NMNAT3: variants seen among roughly 807,000 people sequenced by gnomAD.
NMNAT3 encodes nicotinamide nucleotide adenylyltransferase 3, also known as nicotinamide/nicotinic acid mononucleotide adenylyltransferase 3.
Under a neutral mutation model 24.8 loss-of-function variants are expected in NMNAT3, and 21 were observed. The observed-to-expected ratio is 0.85, with a 90% CI of 0.60 to 1.22. NMNAT3 has a LOEUF of 1.22. NMNAT3 is among the 50% of genes most tolerant of loss of function. The pLI is 0.00. For missense variants in NMNAT3, 387 were observed against 436.6 expected, an observed-to-expected ratio of 0.89 and a Z score of 1.01; for synonymous variants, 136 against 155.2, an observed-to-expected ratio of 0.88 and a Z score of 0.92.
chr3:139,647,841 T>A (rs932308701), intron 1 of NMNAT3, among the ~76,000 whole-genome samples: 1 of 151,454 alleles, frequency 6.6e-6, no homozygotes, highest in Non-Finnish European at 1.5e-5. Context: ...TCCTTTGTTT[T>A]AAACTACCAA....
intron 6 of NMNAT3, chr3:139,570,327 CCTT>C (rs1354840732): frequency 6.6e-6 from 1 of 152,204 alleles, no homozygotes; most frequent in Non-Finnish European, 1.5e-5. Flanking sequence ...TCGTCTGAAG[CCTT>C]CTTCTCTCAA....
chr3:139,580,804 T>A (rs976201726), intron 4 of NMNAT3, among the ~76,000 whole-genome samples: 1 of 148,320 alleles, frequency 6.7e-6, no homozygotes, highest in Non-Finnish European at 1.5e-5. Context: ...ATAAAGTTAG[T>A]TGTGATATTC....
chr3:139,589,249 A>C (rs1040273592), intron 3 of NMNAT3, among the ~76,000 whole-genome samples: 6 of 152,258 alleles, frequency 3.9e-5, no homozygotes, highest in African/African-American at 1.2e-4. Flanking sequence ...GAAAGAGAAC[A>C]GGAAAACAGA....
intron 3 of NMNAT3, among the ~76,000 whole-genome samples, chr3:139,600,458 A>G (rs567986): frequency 1.3e-5 from 2 of 151,808 alleles, no homozygotes; most frequent in Non-Finnish European, 2.9e-5. Flanking sequence ...GGCACCCACC[A>G]CCACGCTGGC....
At chr3:139,643,988 C>G (rs544034905) in intron 1 of NMNAT3, among the ~76,000 whole-genome samples, 1 of 152,274 alleles carries the variant, frequency 6.6e-6, no homozygotes, top group Admixed American at 6.5e-5. Context: ...GTTTTCTGTT[C>G]TATCAGGATT....
chr3:139,667,355 T>C (rs989461718), intron 1 of NMNAT3, among the ~76,000 whole-genome samples: 2 of 152,230 alleles, frequency 1.3e-5, no homozygotes, highest in African/African-American at 4.8e-5. Context: ...TCCCTGATGT[T>C]AGTGATGTTG....
intron 3 of NMNAT3, among the ~76,000 whole-genome samples, chr3:139,626,325 G>A (rs2056049436): frequency 6.6e-6 from 1 of 151,578 alleles, no homozygotes; most frequent in African/African-American, 2.4e-5. Flanking sequence ...TGTATTTTTA[G>A]ATAGTTCCTA....
chr3:139,577,646 A>C (rs1939532907), intron 5 of NMNAT3: 1 of 152,204 alleles, frequency 6.6e-6, no homozygotes, highest in South Asian at 2.1e-4. Flanking sequence ...GACTCATTCT[A>C]AAAGGATGAT....
chr3:139,662,512 A>G (rs1040001805), intron 1 of NMNAT3, among the ~76,000 whole-genome samples: 4 of 152,184 alleles, frequency 2.6e-5, no homozygotes, highest in Non-Finnish European at 5.9e-5. Context: ...CCATGAGGGT[A>G]GGCAGTAGCA....
chr3:139,582,609 T>C (rs1471963952), intron 4 of NMNAT3, among the ~76,000 whole-genome samples: 2 of 111,632 alleles, frequency 1.8e-5, no homozygotes, highest in Admixed American at 2.9e-4. Context: ...ACCATTGCAC[T>C]CCAGCCTGGG....
rs542237151 is a variant in NMNAT3 at position 139,669,289 on chromosome 3, AT to A, written c.-141+8415del. Among the ~76,000 whole-genome samples the A allele has an allele frequency of 5.1e-3, 778 of 152,068 alleles. 7 individuals carry two copies. Among genetic ancestry groups the A allele is most frequent in the African/African-American group, 0.018 (737 of 41,466 alleles). On this transcript the variant is annotated intron_variant, in intron 1 of 6. Transcript: ENST00000643695. ...GGAGTTCAAAACCAGCCTGAACAATATGGTGAAACCCCATCTCTACAAGGTA... is the reference window on the plus strand; with the variant it reads ...GGAGTTCAAAACCAGCCTGAACAATAGGTGAAACCCCATCTCTACAAGGTA...
Position 139,560,986 on chromosome 3 carries a change from G to A in NMNAT3, c.*24C>T, listed in dbSNP as rs1432257675. 3.1e-6 allele frequency: 5 copies of A among 1,596,290 alleles called. No individual in the cohort carries two copies. The highest frequency in any genetic ancestry group is 1.7e-5 in the Admixed American group (1 of 59,422). Reference sequence around the variant, plus strand: ...CCCCAGCAGGAGCTTGTTGGAGGAGGTGTGGGTGCTGAGTCCCCCCTCCCT... The same window carrying A: ...CCCCAGCAGGAGCTTGTTGGAGGAGATGTGGGTGCTGAGTCCCCCCTCCCT... On this transcript the variant is annotated 3_prime_UTR_variant, in exon 7 of 7. Coordinates refer to ENST00000643695, the MANE Select transcript of NMNAT3 (RefSeq NM_001320510.2).
At chr3:139,651,261 C>T (rs1346572942) in intron 1 of NMNAT3, among the ~76,000 whole-genome samples, 2 of 152,116 alleles carry the variant, frequency 1.3e-5, no homozygotes, top group Non-Finnish European at 2.9e-5. Context: ...GGATTAGAGA[C>T]TAAATAATGG....
rs1239420190 is a variant in NMNAT3 at position 139,582,987 on chromosome 3, T to C, written c.331A>G (p.Ile111Val). The stretch of plus-strand genomic sequence containing the variant: ...TGGTTCCAGGTGCTATCTATAAATA[T>C]AATTTTTTTCAGTGTTGTGCCTTTG... Residue 111 changes from isoleucine to valine, a missense_variant, in exon 4 of 7, where the codon ATA (isoleucine) becomes GTA (valine). Physicochemically the swap from Ile to Val is conservative, Grantham distance 29. Around this residue, in one of 3 missense-constraint regions of NMNAT3, gnomAD observed 323 missense variants for 345.2 expected, o/e 0.94. Coordinates refer to ENST00000643695, the MANE Select transcript of NMNAT3 (RefSeq NM_001320510.2). 1.9e-6 allele frequency: 3 copies of C among 1,583,872 alleles called. No individual in the cohort carries two copies. The highest frequency in any genetic ancestry group is 2.7e-5 in the African/African-American group (2 of 73,544).
intron 1 of NMNAT3, among the ~76,000 whole-genome samples, chr3:139,664,130 C>T (rs1338706958): frequency 2.0e-5 from 3 of 152,158 alleles, no homozygotes; most frequent in Non-Finnish European, 4.4e-5. Context: ...TTTTTTAATG[C>T]ACTTTTTTAA....
intron 1 of NMNAT3, among the ~76,000 whole-genome samples, chr3:139,663,275 T>G (rs543586131): frequency 4.6e-5 from 7 of 152,218 alleles, no homozygotes; most frequent in Non-Finnish European, 8.8e-5. Context: ...CTTTCACTGA[T>G]AAGCATATTT....
chr3:139,620,254 C>A lies in NMNAT3; in HGVS notation c.109+7362G>T, dbSNP rs148201327. ...TTTTTACTGAGGTATAACTGACACACAATAAAGTGCATATCTTTAAAGGGT... is the reference window on the plus strand; with the variant it reads ...TTTTTACTGAGGTATAACTGACACAAAATAAAGTGCATATCTTTAAAGGGT... On this transcript the variant is annotated intron_variant, in intron 3 of 6. Transcript: ENST00000643695. Among the ~76,000 whole-genome samples, 1,140 of 148,634 alleles carry A rather than the reference C, an allele frequency of 7.7e-3. 18 individuals are homozygous for A. The highest frequency in any genetic ancestry group is 0.027 in the African/African-American group (1,090 of 40,264).
chr3:139,620,318 A>G (rs1362767937), intron 3 of NMNAT3, among the ~76,000 whole-genome samples: 1 of 151,966 alleles, frequency 6.6e-6, no homozygotes, highest in Non-Finnish European at 1.5e-5. Context: ...TACCCCTGAA[A>G]CCCACACCAC....
intron 3 of NMNAT3, among the ~76,000 whole-genome samples, chr3:139,588,305 T>A (rs1212035687): frequency 6.6e-6 from 1 of 152,166 alleles, no homozygotes; most frequent in Non-Finnish European, 1.5e-5. Context: ...CTTTTCGTTC[T>A]GGGTAACACG....
Sources: allele counts gnomAD v4.1 joint callset (sites outside exome capture counted in the v4.1 genomes callset), GRCh38; gene constraint gnomAD v4.1.1; regional missense constraint gnomAD v4.1.1; transcripts MANE v1.5; gene names NCBI Gene and HGNC (gene_info 2026-07-23, HGNC 2026-07-21).